Variants in PTPRA observed in about 807,000 individuals in gnomAD.
PTPRA encodes the protein protein tyrosine phosphatase receptor type A, also known as receptor-type tyrosine-protein phosphatase alpha.
PTPRA carries 25 observed loss-of-function variants against 104.8 expected under a neutral mutation model. The observed-to-expected ratio is 0.24, with a 90% CI of 0.17 to 0.33. The LOEUF (loss-of-function observed/expected upper bound fraction) is 0.33, where lower values mean the gene tolerates loss of function less well. PTPRA is among the 10% of genes least tolerant of loss of function. The pLI, the probability that PTPRA is intolerant of heterozygous loss-of-function variation, is 1.00. For missense variants in PTPRA, 765 were observed against 1,015.3 expected (o/e 0.75, Z 3.35); for synonymous variants, 323 against 368.9 (o/e 0.88, Z 1.43).
chr20:2,987,302 A>G (rs984028123), intron 7 of PTPRA, among the ~76,000 whole-genome samples: 3 of 151,952 alleles, frequency 2.0e-5, no homozygotes, highest in Admixed American at 6.6e-5. Flanking sequence ...TGGCCCTGGC[A>G]TGTTGAGTTG....
At chr20:2,903,609 G>T (rs1483571614) in intron 1 of PTPRA, among the ~76,000 whole-genome samples, 1 of 152,088 alleles carries the variant, frequency 6.6e-6, no homozygotes, top group Non-Finnish European at 1.5e-5. Flanking sequence ...GATCGCTTGA[G>T]CCCAGGAATT....
chr20:2,917,261 A>T (rs573549227), intron 1 of PTPRA, among the ~76,000 whole-genome samples: 1 of 152,178 alleles, frequency 6.6e-6, no homozygotes, highest in African/African-American at 2.4e-5. Context: ...TATTTTTGAA[A>T]AAATAAATAA....
intron 1 of PTPRA, among the ~76,000 whole-genome samples, chr20:2,886,443 G>A (rs774667284): frequency 6.6e-6 from 1 of 152,048 alleles, no homozygotes. Flanking sequence ...GTTTATTATA[G>A]TATTTTCTCT....
intron 1 of PTPRA, among the ~76,000 whole-genome samples, chr20:2,903,076 C>T (rs2059295576): frequency 6.6e-6 from 1 of 152,154 alleles, no homozygotes; most frequent in African/African-American, 2.4e-5. Flanking sequence ...ATCTGAAATG[C>T]TCCAAAATCT....
At chr20:3,036,942 A>G (rs914964383) in intron 22 of PTPRA, among the ~76,000 whole-genome samples, 3 of 152,154 alleles carry the variant, frequency 2.0e-5, no homozygotes, top group Non-Finnish European at 4.4e-5. Context: ...CCACGGTCCA[A>G]CAGGTGAGTC....
At chr20:2,913,548 T>A (rs1433569750) in intron 1 of PTPRA, among the ~76,000 whole-genome samples, 4 of 152,200 alleles carry the variant, frequency 2.6e-5, no homozygotes, top group Non-Finnish European at 1.5e-5. Flanking sequence ...GCCTTGACAC[T>A]TTTGAAGATT....
chr20:3,021,343 G>C lies in PTPRA; in HGVS notation c.1076G>C (p.Cys359Ser), dbSNP rs1202786725. 1 of 1,614,086 alleles carries C rather than the reference G, an allele frequency of 6.2e-7. No individual in the cohort carries two copies. Among genetic ancestry groups the C allele is most frequent in the Admixed American group, 1.7e-5 (1 of 60,028 alleles). ...KCAQYWPDQG[C>S]WTYGNIRVSV... ...GCCCAGTACTGGCCAGACCAAGGCT[G>C]CTGGACCTATGGGAATATTCGGGTG... The change falls in exon 14 of 24, where the codon TGC (cysteine) becomes TCC (serine). Residue 359 changes from cysteine (C) to serine (S), a missense_variant. Cys to Ser is a moderately radical substitution (Grantham distance 112). Around this residue, in one of 4 missense-constraint regions of PTPRA, gnomAD observed 245 missense variants for 398.7 expected, o/e 0.61. Coordinates refer to ENST00000399903, the MANE Select transcript of PTPRA (RefSeq NM_001385305.1).
At chr20:2,958,844 CAAAAAAA>C (rs528139524) in intron 3 of PTPRA, among the ~76,000 whole-genome samples, 1 of 46,854 alleles carries the variant, frequency 2.1e-5, no homozygotes, top group Non-Finnish European at 4.4e-5. Context: ...GAGACTGTAT[CAAAAAAA>C]AAAAAAAAAA....
intron 2 of PTPRA, among the ~76,000 whole-genome samples, chr20:2,923,940 T>C (rs975966577): frequency 6.6e-6 from 1 of 152,188 alleles, no homozygotes; most frequent in Non-Finnish European, 1.5e-5. Flanking sequence ...TCTTTGGCAA[T>C]ATCTGCAAAA....
At chr20:3,000,216 A>C (rs1451847659) in intron 9 of PTPRA, among the ~76,000 whole-genome samples, 3 of 152,138 alleles carry the variant, frequency 2.0e-5, no homozygotes, top group Non-Finnish European at 4.4e-5. Context: ...TGAACACAGG[A>C]GGTGGAGGCT....
chr20:2,969,559 AAAAT>A (rs1359929537), intron 5 of PTPRA, among the ~76,000 whole-genome samples: 6 of 150,998 alleles, frequency 4.0e-5, no homozygotes, highest in African/African-American at 7.3e-5. Flanking sequence ...ATACCTTTTA[AAAAT>A]AAATAAATAG....
At chr20:3,005,227 C>G (rs2063809153) in intron 10 of PTPRA, 81 bp downstream of exon 10, 2 of 1,325,508 alleles carry the variant, frequency 1.5e-6, no homozygotes, top group Admixed American at 1.7e-5. Flanking sequence ...AAGAATCTTG[C>G]AATTGGGCAC....
chr20:2,980,191 C>T (rs936303233), intron 6 of PTPRA, among the ~76,000 whole-genome samples: 4 of 152,012 alleles, frequency 2.6e-5, no homozygotes, highest in East Asian at 2.0e-4. Flanking sequence ...GGATTACAGG[C>T]GTGAGCCACC....
rs574107166 is a variant in PTPRA, at chr20:2,938,142, G to A, written c.-49-9840G>A. ...GAGACCAGCCTGGACAACATAGTGA[G>A]ACCCCACCTCTAAAACAGATAGATA... On this transcript the variant is annotated intron_variant, in intron 2 of 23. Coordinates refer to ENST00000399903, the MANE Select transcript of PTPRA (RefSeq NM_001385305.1). Among the ~76,000 whole-genome samples, 148 of 152,172 alleles carry A rather than the reference G, an allele frequency of 9.7e-4. 2 individuals are homozygous for A. The highest frequency in any genetic ancestry group is 2.2e-3 in the Admixed American group (33 of 15,274).
chr20:2,905,690 CTTTTTTTTT>C (rs11479039), intron 1 of PTPRA, among the ~76,000 whole-genome samples: 1,872 of 70,696 alleles, frequency 0.026, 113 homozygotes, highest in East Asian at 0.16. Flanking sequence ...TCATAAAATT[CTTTTTTTTT>C]TTTTTTTTTT....
At chr20:2,925,658 G>A (rs1171651951) in intron 2 of PTPRA, among the ~76,000 whole-genome samples, 3 of 152,004 alleles carry the variant, frequency 2.0e-5, no homozygotes, top group Non-Finnish European at 2.9e-5. Context: ...TACCAAAAAT[G>A]CAAAAATTAG....
chr20:2,871,334 G>A (rs187398597), upstream of PTPRA, among the ~76,000 whole-genome samples: 382 of 152,252 alleles, frequency 2.5e-3, 4 homozygotes, highest in African/African-American at 8.5e-3. Flanking sequence ...ACATGGTGGG[G>A]CTGGAAACCC....
At chr20:2,944,168 G>A (rs1239423442) in intron 2 of PTPRA, among the ~76,000 whole-genome samples, 1 of 151,534 alleles carries the variant, frequency 6.6e-6, no homozygotes, top group Non-Finnish European at 1.5e-5. Flanking sequence ...AACCTTCTGA[G>A]TAGCTGGGAT....
At chr20:2,913,310 G>A (rs605519) in intron 1 of PTPRA, among the ~76,000 whole-genome samples, 97,006 of 151,990 alleles carry the variant, frequency 0.64, 32,591 homozygotes, top group East Asian at 0.86. Context: ...CCTAGGAGGC[G>A]GAGGTTGCAG....
Sources: allele counts gnomAD v4.1 joint callset (sites outside exome capture counted in the v4.1 genomes callset), GRCh38; gene constraint gnomAD v4.1.1; regional missense constraint gnomAD v4.1.1; transcripts MANE v1.5; gene names NCBI Gene and HGNC (gene_info 2026-07-23, HGNC 2026-07-21).